The following RIT2 variants were observed in gnomAD, a reference collection of about 807,000 sequenced individuals.
RIT2 encodes the protein Ras like without CAAX 2.
In RIT2, 24 loss-of-function variants were observed where a neutral mutation model predicts 23.7. The observed-to-expected ratio is 1.01, with a 90% CI of 0.73 to 1.43. RIT2 has a LOEUF of 1.43. RIT2 is among the 40% of genes most tolerant of loss of function. The pLI is 0.00. For synonymous variants in RIT2, 107 were observed against 91.1 expected, an observed-to-expected ratio of 1.17 and a Z score of -0.99; for missense variants, 236 against 266.9, an observed-to-expected ratio of 0.88 and a Z score of 0.81.
chr18:42,796,946 AAAG>A (rs1338696300), intron 4 of RIT2, among the ~76,000 whole-genome samples: 2 of 152,226 alleles, frequency 1.3e-5, no homozygotes, highest in African/African-American at 4.8e-5. Context: ...AAAGAAATAA[AAAG>A]AAGTTAAAAA....
At chr18:42,981,215 C>T (rs1568045965) in intron 2 of RIT2, among the ~76,000 whole-genome samples, 1 of 152,102 alleles carries the variant, frequency 6.6e-6, no homozygotes, top group Non-Finnish European at 1.5e-5. Context: ...CTTTTTAACA[C>T]CTCAAAAATA....
intron 4 of RIT2, among the ~76,000 whole-genome samples, chr18:42,825,903 G>GT (rs1442252373): frequency 6.6e-6 from 1 of 151,880 alleles, no homozygotes; most frequent in African/African-American, 2.4e-5. Context: ...TAGAAAACTG[G>GT]TAACAATGCA....
chr18:42,751,784 C>A (rs1473046020), intron 4 of RIT2, among the ~76,000 whole-genome samples: 4 of 151,864 alleles, frequency 2.6e-5, no homozygotes, highest in South Asian at 2.1e-4. Flanking sequence ...GCTATAATAT[C>A]TAAATGGAAA....
At chr18:42,869,801 C>T (rs1907575289) in intron 4 of RIT2, among the ~76,000 whole-genome samples, 1 of 152,102 alleles carries the variant, frequency 6.6e-6, no homozygotes. Context: ...TAAGTTCTCC[C>T]TTTTTTATGT....
intron 4 of RIT2, among the ~76,000 whole-genome samples, chr18:42,891,742 G>C (rs1252020227): frequency 6.6e-6 from 1 of 152,158 alleles, no homozygotes; most frequent in Non-Finnish European, 1.5e-5. Flanking sequence ...GGTAAAGGGG[G>C]AGGGAGAGAT....
intron 4 of RIT2, among the ~76,000 whole-genome samples, chr18:42,868,973 C>T (rs1907545415): frequency 6.6e-6 from 1 of 152,182 alleles, no homozygotes; most frequent in Non-Finnish European, 1.5e-5. Context: ...TACTAGACAG[C>T]CTGTTACATG....
chr18:42,996,436 C>T (rs780589275), intron 2 of RIT2, among the ~76,000 whole-genome samples: 42 of 152,102 alleles, frequency 2.8e-4, no homozygotes, highest in Admixed American at 2.6e-4. Flanking sequence ...CATCATATCC[C>T]CTGTGACTTG....
At chr18:43,035,741 T>C (rs1911958678) in intron 1 of RIT2, among the ~76,000 whole-genome samples, 1 of 152,180 alleles carries the variant, frequency 6.6e-6, no homozygotes, top group African/African-American at 2.4e-5. Flanking sequence ...CTTCTGGATA[T>C]TTCTTAGTAA....
At chr18:42,776,208 G>C (rs1330015836) in intron 4 of RIT2, among the ~76,000 whole-genome samples, 2 of 152,172 alleles carry the variant, frequency 1.3e-5, no homozygotes, top group South Asian at 2.1e-4. Context: ...TTGGAAAATA[G>C]AGGATCAAAA....
At chr18:42,860,602 A>T (rs1907300161) in intron 4 of RIT2, among the ~76,000 whole-genome samples, 1 of 152,150 alleles carries the variant, frequency 6.6e-6, no homozygotes, top group African/African-American at 2.4e-5. Flanking sequence ...TAGGAAGAGG[A>T]TGGGGAGAAT....
chr18:42,749,157 T>A (rs1912986783), intron 4 of RIT2, among the ~76,000 whole-genome samples: 1 of 151,882 alleles, frequency 6.6e-6, no homozygotes, highest in Non-Finnish European at 1.5e-5. Flanking sequence ...ATGAAATTGA[T>A]CTAGAAATTT....
intron 4 of RIT2, among the ~76,000 whole-genome samples, chr18:42,850,717 C>G (rs1907029593): frequency 6.6e-6 from 1 of 152,086 alleles, no homozygotes; most frequent in Non-Finnish European, 1.5e-5. Context: ...CTTTGGTTTT[C>G]ATGCAAAACC....
At chr18:43,003,368 T>C (rs981712552) in intron 2 of RIT2, among the ~76,000 whole-genome samples, 1 of 152,082 alleles carries the variant, frequency 6.6e-6, no homozygotes, top group East Asian at 1.9e-4. Flanking sequence ...TCTAATCTTG[T>C]TTGCATATGT....
chr18:42,991,226 C>T (rs555453858), intron 2 of RIT2, among the ~76,000 whole-genome samples: 222 of 152,198 alleles, frequency 1.5e-3, no homozygotes, highest in Middle Eastern at 3.4e-3. Context: ...GTTACAGGCT[C>T]GTGTATCCAA....
intron 3 of RIT2, among the ~76,000 whole-genome samples, chr18:42,944,562 C>A (rs1037957171): frequency 6.6e-6 from 1 of 152,078 alleles, no homozygotes; most frequent in Admixed American, 6.6e-5. Context: ...AGGCTCTATT[C>A]AGCTGCAATG....
intron 2 of RIT2, among the ~76,000 whole-genome samples, chr18:43,019,887 C>T (rs1225818341): frequency 1.3e-5 from 2 of 150,426 alleles, no homozygotes; most frequent in Non-Finnish European, 3.0e-5. Flanking sequence ...TTCTATACAC[C>T]AATAATGAAC....
intron 4 of RIT2, among the ~76,000 whole-genome samples, chr18:42,827,780 C>T (rs1327576721): frequency 7.9e-5 from 12 of 151,584 alleles, no homozygotes; most frequent in African/African-American, 1.9e-4. Flanking sequence ...CCGAGGCGGG[C>T]GGATCACGAG....
chr18:42,951,782 CA>C (rs2144173660), intron 3 of RIT2, among the ~76,000 whole-genome samples: 1 of 152,090 alleles, frequency 6.6e-6, no homozygotes, highest in African/African-American at 2.4e-5. Flanking sequence ...TGGAATAATG[CA>C]AATAGGAAAT....
intron 4 of RIT2, among the ~76,000 whole-genome samples, chr18:42,879,673 ATGT>A (rs1277620924): frequency 6.6e-6 from 1 of 151,690 alleles, no homozygotes; most frequent in African/African-American, 2.4e-5. Flanking sequence ...TATCTTTTAA[ATGT>A]TGTTTGTTTT....
Sources: gnomAD v4.1 joint callset for allele counts (sites outside exome capture counted in the v4.1 genomes callset) on GRCh38, gnomAD v4.1.1 for gene constraint, MANE v1.5 for transcripts, NCBI Gene and HGNC (gene_info 2026-07-23, HGNC 2026-07-21) for gene names.